The following BNC2 variants were observed in gnomAD, a reference collection of about 807,000 sequenced individuals.
BNC2 encodes the protein zinc finger protein basonuclin-2.
In BNC2, 20 loss-of-function variants were observed where a neutral mutation model predicts 76.3. The observed-to-expected ratio is 0.26, with a 90% CI of 0.18 to 0.38. BNC2 has a LOEUF of 0.38. BNC2 is among the 10% of genes least tolerant of loss of function. The pLI is 1.00. For missense variants in BNC2, 1,382 were observed against 1,399.8 expected, an observed-to-expected ratio of 0.99 and a Z score of 0.20; for synonymous variants, 582 against 514.8, an observed-to-expected ratio of 1.13 and a Z score of -1.77.
At chr9:16,866,417 C>A (rs1470702615) in intron 1 of BNC2, among the ~76,000 whole-genome samples, 3 of 151,752 alleles carry the variant, frequency 2.0e-5, no homozygotes, top group African/African-American at 4.8e-5. Context: ...AAGAAGTTAA[C>A]CCACTTCTCG....
chr9:16,445,011 A>G (rs187484223), intron 5 of BNC2, among the ~76,000 whole-genome samples: 105 of 152,326 alleles, frequency 6.9e-4, no homozygotes, highest in Admixed American at 1.1e-3. Context: ...TGCATGGATC[A>G]ATGTTGTGTG....
intron 5 of BNC2, among the ~76,000 whole-genome samples, chr9:16,520,224 A>G (rs1817575741): frequency 6.6e-6 from 1 of 152,114 alleles, no homozygotes; most frequent in Non-Finnish European, 1.5e-5. Flanking sequence ...CTGAACACCA[A>G]CCCGACACTT....
intron 1 of BNC2, among the ~76,000 whole-genome samples, chr9:16,792,140 C>T (rs1261424132): frequency 6.6e-6 from 1 of 151,138 alleles, no homozygotes; most frequent in Non-Finnish European, 1.5e-5. Context: ...TACCATCATA[C>T]CAACTATACA....
chr9:16,834,809 A>C (rs1259597559), intron 1 of BNC2, among the ~76,000 whole-genome samples: 1 of 152,132 alleles, frequency 6.6e-6, no homozygotes, highest in Non-Finnish European at 1.5e-5. Flanking sequence ...ATGGATTAAG[A>C]GATAGTGCAG....
At position 16,705,656 on chromosome 9, in the gene BNC2, G is replaced by GTT. The variant is rs34453723; in HGVS notation, c.330+22139_330+22140dup. ...CGAGTTGTATGATAGTGTGGCTTGG[G>GTT]TTTTTTTTTCCCTCCTTTGTTTGTT... is the stretch of plus-strand genomic sequence containing the variant. On this transcript the variant is annotated intron_variant, in intron 3 of 6. Coordinates refer to ENST00000380672, the MANE Select transcript of BNC2 (RefSeq NM_017637.6). Among the ~76,000 whole-genome samples, 191 of 150,634 alleles carry GTT rather than the reference G, an allele frequency of 1.3e-3. 1 individual carries two copies. The highest frequency in any genetic ancestry group is 2.0e-3 in the Non-Finnish European group (133 of 67,636).
chr9:16,574,692 A>T (rs1819432201), intron 4 of BNC2, among the ~76,000 whole-genome samples: 1 of 148,530 alleles, frequency 6.7e-6, no homozygotes, highest in African/African-American at 2.6e-5. Context: ...GAGACACTAG[A>T]TATTATCATT....
intron 1 of BNC2, among the ~76,000 whole-genome samples, chr9:16,767,512 GA>G (rs1258713133): frequency 6.6e-6 from 1 of 151,064 alleles, no homozygotes; most frequent in Admixed American, 6.6e-5. Context: ...GATCAATGCT[GA>G]GGACAGAAAT....
At chr9:16,682,811 G>C (rs1160163486) in intron 3 of BNC2, among the ~76,000 whole-genome samples, 2 of 152,156 alleles carry the variant, frequency 1.3e-5, no homozygotes, top group Non-Finnish European at 2.9e-5. Flanking sequence ...GAAAAGAACT[G>C]TGCTGAGCTA....
intron 1 of BNC2, among the ~76,000 whole-genome samples, chr9:16,750,060 A>G (rs191011264): frequency 1.3e-5 from 2 of 152,350 alleles, no homozygotes; most frequent in African/African-American, 4.8e-5. Flanking sequence ...TGGACAGCCC[A>G]TCACAGAGCA....
In BNC2 at chr9:16,418,819, G is replaced by C; in HGVS notation, c.*170C>G. The C allele has an allele frequency of 4.0e-6, 3 of 751,526 alleles. No individual in the cohort carries two copies. The highest frequency in any genetic ancestry group is 6.5e-6 in the Non-Finnish European group (3 of 458,962). The allele number at this position is 751,526 out of a possible 1,614,324, so 46.6% of individuals were successfully genotyped here. ...TTCAAAAGCACCTAGTGTTTATCTTGTTTATCTCAAGGAAATACGTGTGTG... is the reference window on the plus strand; with the variant it reads ...TTCAAAAGCACCTAGTGTTTATCTTCTTTATCTCAAGGAAATACGTGTGTG... On this transcript the variant is annotated 3_prime_UTR_variant, in exon 7 of 7. Transcript: ENST00000380672.
intron 1 of BNC2, among the ~76,000 whole-genome samples, chr9:16,774,346 G>T (rs1825908093): frequency 6.6e-6 from 1 of 152,122 alleles, no homozygotes; most frequent in South Asian, 2.1e-4. Context: ...AACCAGAACT[G>T]CACATCGAAC....
chr9:16,511,013 G>A (rs954059696), intron 5 of BNC2, among the ~76,000 whole-genome samples: 1 of 151,892 alleles, frequency 6.6e-6, no homozygotes, highest in Non-Finnish European at 1.5e-5. Flanking sequence ...ACAAAAGGCA[G>A]AGAGAAGGAT....
In BNC2 at chr9:16,437,087, G is replaced by C; in HGVS notation, c.1107C>G (p.Ser369=). ...TQNEYNESSE[S]EVSPTPYKND... is the part of the protein sequence containing the mutation. ...TCTTATAAGGTGTGGGAGAAACTTC[G>C]GATTCGCTGCTCTCATTATATTCAT... Residue 369 remains serine, a synonymous_variant, in exon 6 of 7, where the codon TCC becomes TCG. Transcript: ENST00000380672. 1 of 1,614,076 alleles carries C rather than the reference G, an allele frequency of 6.2e-7. No individual in the cohort carries two copies. The highest frequency in any genetic ancestry group is 8.5e-7 in the Non-Finnish European group (1 of 1,180,014).
chr9:16,760,623 C>G (rs1037437408), intron 1 of BNC2, among the ~76,000 whole-genome samples: 2 of 152,128 alleles, frequency 1.3e-5, no homozygotes, highest in African/African-American at 4.8e-5. Flanking sequence ...AATCCTACAG[C>G]CAACACCTCC....
intron 2 of BNC2, among the ~76,000 whole-genome samples, chr9:16,728,900 GA>G (rs1448633586): frequency 1.3e-5 from 2 of 151,736 alleles, no homozygotes; most frequent in Non-Finnish European, 2.9e-5. Flanking sequence ...CTCAGAAGTA[GA>G]AAAAAATCCT....
chr9:16,747,651 C>T (rs1825050987), intron 1 of BNC2, among the ~76,000 whole-genome samples: 1 of 152,154 alleles, frequency 6.6e-6, no homozygotes, highest in Non-Finnish European at 1.5e-5. Context: ...TGTGCTCATC[C>T]AAATATCCAG....
intron 3 of BNC2, among the ~76,000 whole-genome samples, chr9:16,612,967 G>C (rs370799621): frequency 6.6e-6 from 1 of 152,148 alleles, no homozygotes; most frequent in East Asian, 1.9e-4. Context: ...AACAAGCCAA[G>C]ATGGGGAAAG....
At chr9:16,823,445 A>T (rs1189943170) in intron 1 of BNC2, among the ~76,000 whole-genome samples, 1 of 150,462 alleles carries the variant, frequency 6.6e-6, no homozygotes, top group Non-Finnish European at 1.5e-5. Flanking sequence ...AAAAAAAAAA[A>T]TTAAAAAATT....
chr9:16,490,692 C>G (rs1364284670), intron 5 of BNC2, among the ~76,000 whole-genome samples: 5 of 152,122 alleles, frequency 3.3e-5, no homozygotes, highest in Non-Finnish European at 4.4e-5. Context: ...GTCTTTCATA[C>G]AGTTGTGCTG....
Sources: gnomAD v4.1 joint callset for allele counts (sites outside exome capture counted in the v4.1 genomes callset) on GRCh38, gnomAD v4.1.1 for gene constraint, MANE v1.5 for transcripts, NCBI Gene and HGNC (gene_info 2026-07-23, HGNC 2026-07-21) for gene names.